Variants in STIL observed in about 807,000 individuals in gnomAD.
The protein encoded by STIL is SCL-interrupting locus protein.
STIL carries 55 observed loss-of-function variants against 110.1 expected under a neutral mutation model. The ratio of observed to expected loss-of-function variants is 0.50; its 90% CI spans 0.40 to 0.63. STIL has a LOEUF of 0.63. STIL is among the 20% of genes least tolerant of loss of function. The probability of loss-of-function intolerance (pLI) is 0.00; values close to 1 mark genes in which losing one functional copy is unlikely to be tolerated. For missense variants in STIL, 1,358 were observed against 1,530.0 expected (o/e 0.89, Z 1.87); for synonymous variants, 481 against 530.0 (o/e 0.91, Z 1.27).
rs139649953 is a variant in STIL at position 47,306,010 on chromosome 1, C to T, written c.45-1014G>A. 3.7e-3 allele frequency among the ~76,000 whole-genome samples: 556 copies of T among 152,080 alleles called. 7 individuals carry two copies. The highest frequency in any genetic ancestry group is 0.013 in the African/African-American group (526 of 41,510). ...CCTCCCAAAGTGCTGGGATTACAGG[C>T]GTAAGCCACCGCGCCCGGCCCAAAA... On this transcript the variant is annotated intron_variant, in intron 2 of 16. Coordinates refer to ENST00000371877, the MANE Select transcript of STIL (RefSeq NM_001048166.1).
intron 12 of STIL, among the ~76,000 whole-genome samples, chr1:47,279,267 AG>A: frequency 6.9e-6 from 1 of 144,896 alleles, no homozygotes; most frequent in East Asian, 2.0e-4. Flanking sequence ...TGGGCGACAG[AG>A]AAATACTCCG....
intron 10 of STIL, among the ~76,000 whole-genome samples, chr1:47,286,901 A>C (rs1231771997): frequency 1.3e-5 from 2 of 152,042 alleles, no homozygotes; most frequent in Non-Finnish European, 2.9e-5. Context: ...AGAAATGACC[A>C]GTATTATATG....
At chr1:47,272,359 T>G in intron 12 of STIL, 118 bp from the exon 13 acceptor site, 2 of 1,050,498 alleles carry the variant, frequency 1.9e-6, no homozygotes, top group Non-Finnish European at 2.8e-6. Context: ...TAAGTCTATT[T>G]TCTCAAATTT....
chr1:47,308,351 A>G (rs1348970591), intron 2 of STIL, among the ~76,000 whole-genome samples: 1 of 151,924 alleles, frequency 6.6e-6, no homozygotes, highest in Non-Finnish European at 1.5e-5. Flanking sequence ...ACAGAAAAGA[A>G]CCTACGTGAT....
chr1:47,289,168 CT>C (rs1316071525), intron 9 of STIL, among the ~76,000 whole-genome samples: 1 of 150,648 alleles, frequency 6.6e-6, no homozygotes, highest in Non-Finnish European at 1.5e-5. Flanking sequence ...CTGATATATT[CT>C]TCAAAGATTT....
Position 47,251,012 on chromosome 1 carries a change from A to T in STIL, c.*124T>A. On this transcript the variant is annotated 3_prime_UTR_variant, in exon 17 of 17. Transcript: ENST00000371877. Reference sequence around the variant, plus strand: ...CATCTCACAGAAGTCACTCTTCCCAATTGGCTGCTACCAAGAAACAGTGAC... The same window carrying T: ...CATCTCACAGAAGTCACTCTTCCCATTTGGCTGCTACCAAGAAACAGTGAC... The T allele has an allele frequency of 1.1e-6, 1 of 901,688 alleles. No homozygotes were observed. Among genetic ancestry groups the T allele is most frequent in the South Asian group, 1.7e-5 (1 of 57,416 alleles). The allele number at this position is 901,688 out of a possible 1,614,324, so 55.9% of individuals were successfully genotyped here. A position where few individuals can be genotyped will look rare whatever the true frequency, so the allele number is the denominator to read the frequency against.
chr1:47,275,980 C>A (rs550474777), intron 12 of STIL, among the ~76,000 whole-genome samples: 3 of 147,932 alleles, frequency 2.0e-5, no homozygotes, highest in South Asian at 4.3e-4. Flanking sequence ...AAACATAAAA[C>A]CCAGAAAGAG....
Position 47,289,479 on chromosome 1 carries a change from GA to G in STIL, c.978del (p.Arg327GlyfsTer5). On this transcript the variant is annotated frameshift_variant, in exon 9 of 17. Transcript: ENST00000371877. LOFTEE classifies it high-confidence loss of function. ...TCCTTACTGGTTAGCAACTGAAACC[GA>G]AAGTCAGGTATCTTGCCATCACAAG... The part of the protein sequence containing the change: ...CFPCDGKIPD[F>X]RFQLLTSKET... 1 of 1,613,858 alleles carries G rather than the reference GA, an allele frequency of 6.2e-7. No individual in the cohort carries two copies. The highest frequency in any genetic ancestry group is 8.5e-7 in the Non-Finnish European group (1 of 1,179,846).
At chr1:47,266,471 G>A (rs1194718279) in intron 14 of STIL, among the ~76,000 whole-genome samples, 1 of 152,116 alleles carries the variant, frequency 6.6e-6, no homozygotes, top group Admixed American at 6.5e-5. Context: ...CGATCCTCCT[G>A]TTTCAGCCTC....
In STIL at chr1:47,283,763, TACTA is replaced by T. The variant is rs1174243410; in HGVS notation, c.1134-1308_1134-1305del. 3 of 152,242 alleles carry T rather than the reference TACTA, an allele frequency of 2.0e-5. No individual in the cohort carries two copies. In the East Asian group the frequency reaches 5.8e-4, roughly 29 times the overall value. The allele number at this position is 152,242 out of a possible 1,614,324, so 9.4% of individuals were successfully genotyped here. ...GCTTAAAATAGATATTAAGTTCAATTACTAACTTTTTTAAGTTACATTCTTTTGT... is the reference window on the plus strand; with the variant it reads ...GCTTAAAATAGATATTAAGTTCAATTACTTTTTTAAGTTACATTCTTTTGT... On this transcript the variant is annotated intron_variant, in intron 10 of 16. Coordinates refer to ENST00000371877, the MANE Select transcript of STIL (RefSeq NM_001048166.1).
intron 7 of STIL, 44 bp from the exon 8 acceptor site, chr1:47,293,588 A>C: frequency 1.4e-6 from 2 of 1,448,000 alleles, no homozygotes; most frequent in Non-Finnish European, 1.9e-6. Flanking sequence ...TCACTTACAT[A>C]TATAGCATAA....
At chr1:47,282,758 G>T (rs1241274933) in intron 10 of STIL, 1 of 324,448 alleles carries the variant, frequency 3.1e-6, no homozygotes, top group Non-Finnish European at 5.9e-6. Flanking sequence ...GATAAATATA[G>T]AAACAAGTAA....
intron 6 of STIL, among the ~76,000 whole-genome samples, chr1:47,296,453 C>T (rs563964100): frequency 6.6e-6 from 1 of 151,998 alleles, no homozygotes; most frequent in African/African-American, 2.4e-5. Flanking sequence ...TATAAGAATA[C>T]AAAAAACCAA....
At position 47,311,428 on chromosome 1, in the gene STIL, G is replaced by A. The variant is rs1646122698; in HGVS notation, c.-43-1066C>T. Among the ~76,000 whole-genome samples the A allele has an allele frequency of 2.0e-5, 3 of 151,792 alleles. No homozygotes were observed. In the South Asian group the frequency reaches 6.2e-4, roughly 32 times the overall value. ...GCCTCCTGAATAGCTGGGACCACAG[G>A]CATTCACCACTGCACCCGGCTAATT... On this transcript the variant is annotated intron_variant, in intron 1 of 16. Transcript: ENST00000371877.
intron 16 of STIL, among the ~76,000 whole-genome samples, chr1:47,255,978 G>T (rs1263231388): frequency 2.0e-5 from 3 of 152,166 alleles, no homozygotes; most frequent in Admixed American, 2.0e-4. Flanking sequence ...TAGACACAAT[G>T]ATAAAAGACG....
At chr1:47,301,384 A>C (rs1645799756) in intron 5 of STIL, among the ~76,000 whole-genome samples, 177 bp downstream of exon 5, 1 of 152,152 alleles carries the variant, frequency 6.6e-6, no homozygotes, top group Non-Finnish European at 1.5e-5. Flanking sequence ...AAGGCTACTC[A>C]TATCGCTTAC....
At chr1:47,268,516 A>T (rs2148827580) in intron 14 of STIL, among the ~76,000 whole-genome samples, 1 of 152,254 alleles carries the variant, frequency 6.6e-6, no homozygotes, top group South Asian at 2.1e-4. Context: ...GCACTTTAGG[A>T]GGTCAAGGTG....
intron 2 of STIL, among the ~76,000 whole-genome samples, chr1:47,306,264 C>CT (rs35382902): frequency 7.2e-6 from 1 of 139,202 alleles, no homozygotes; most frequent in South Asian, 2.3e-4. Context: ...CTTTTCTTTC[C>CT]TTTTTTTTTT....
intron 13 of STIL, 42 bp downstream of exon 13, chr1:47,272,032 ATT>A: frequency 6.3e-7 from 1 of 1,599,350 alleles, no homozygotes; most frequent in South Asian, 1.1e-5. Flanking sequence ...TATGAAAAGC[ATT>A]TTTAACAATT....
Sources: gnomAD v4.1 joint callset for allele counts (sites outside exome capture counted in the v4.1 genomes callset) on GRCh38, gnomAD v4.1.1 for gene constraint, MANE v1.5 for transcripts, NCBI Gene and HGNC (gene_info 2026-07-23, HGNC 2026-07-21) for gene names.